The following JAKMIP1 variants were observed in gnomAD, a reference collection of about 807,000 sequenced individuals.
JAKMIP1 encodes the protein janus kinase and microtubule interacting protein 1.
In JAKMIP1, 33 loss-of-function variants were observed where a neutral mutation model predicts 113.0. The observed-to-expected ratio is 0.29, with a 90% CI of 0.22 to 0.39. JAKMIP1 has a LOEUF of 0.39. JAKMIP1 is among the 10% of genes least tolerant of loss of function. The pLI is 1.00. For synonymous variants in JAKMIP1, 480 were observed against 459.9 expected, an observed-to-expected ratio of 1.04 and a Z score of -0.56; for missense variants, 813 against 1,080.5, an observed-to-expected ratio of 0.75 and a Z score of 3.47.
chr4:6,091,388 A>G (rs1431321027), intron 3 of JAKMIP1, among the ~76,000 whole-genome samples: 1 of 152,244 alleles, frequency 6.6e-6, no homozygotes. Context: ...TCTCTTACAT[A>G]TACATTTTTC....
In JAKMIP1 at chr4:6,049,011, T is replaced by C; in HGVS notation, c.1963-89A>G. On this transcript the variant is annotated intron_variant, in intron 15 of 20. Transcript: ENST00000409021. The surrounding 1 kb of genome is among the most constrained non-coding windows in gnomAD (Gnocchi z 7.0). ...GCACCAAGCAAGTTTTTTTTTTTCG[T>C]TGTTGTTGTTTGTTTTATTATGTTT... The C allele has an allele frequency of 1.1e-6, 1 of 899,416 alleles. No homozygotes were observed. Among genetic ancestry groups the C allele is most frequent in the Non-Finnish European group, 1.8e-6 (1 of 553,254 alleles). 55.7% of individuals were successfully genotyped at this position (899,416 alleles called of 1,614,324 possible). A position where few individuals can be genotyped will look rare whatever the true frequency, so the allele number is the denominator to read the frequency against.
Position 6,153,095 on chromosome 4 carries a change from C to A in JAKMIP1, c.-147-40098G>T, listed in dbSNP as rs1410589146. On this transcript the variant is annotated intron_variant, in intron 1 of 20. Coordinates refer to ENST00000409021, the MANE Select transcript of JAKMIP1 (RefSeq NM_001099433.2). The surrounding 1 kb of genome is among the most constrained non-coding windows in gnomAD (Gnocchi z 4.9). ...CCCCACCCATGCACATCCCCCTCCC[C>A]TACCTGCCTGAAGACTACACAGGCA... is the stretch of plus-strand genomic sequence containing the variant. Among the ~76,000 whole-genome samples, 4 of 152,160 alleles carry A rather than the reference C, an allele frequency of 2.6e-5. No individual in the cohort carries two copies. Among genetic ancestry groups the A allele is most frequent in the African/African-American group, 4.8e-5 (2 of 41,428 alleles).
At chr4:6,125,593 G>GCAGAAACACACACACACACACACCATA (rs1717315654) in intron 1 of JAKMIP1, among the ~76,000 whole-genome samples, 5 of 132,678 alleles carry the variant, frequency 3.8e-5, no homozygotes, top group Non-Finnish European at 7.7e-5. Flanking sequence ...TACACACCAT[G>GCAGAAACACACACACACACACACCATA]CAGAAACACA....
intron 18 of JAKMIP1, among the ~76,000 whole-genome samples, chr4:6,037,795 C>T (rs1713724855): frequency 6.8e-6 from 1 of 147,358 alleles, no homozygotes; most frequent in African/African-American, 2.5e-5. Flanking sequence ...AGTAGCCCTC[C>T]ATCACCGAGG....
chr4:6,147,527 A>C (rs1721003593), intron 1 of JAKMIP1, among the ~76,000 whole-genome samples: 1 of 152,146 alleles, frequency 6.6e-6, no homozygotes, highest in Non-Finnish European at 1.5e-5. Context: ...GTGGTCCTCA[A>C]GAGCCTCCCA....
intron 1 of JAKMIP1, among the ~76,000 whole-genome samples, chr4:6,120,482 C>A (rs1716555130): frequency 6.6e-6 from 1 of 152,172 alleles, no homozygotes; most frequent in African/African-American, 2.4e-5. Flanking sequence ...TTATTGATGG[C>A]TGAATGAGCA....
At chr4:6,103,680 G>C (rs1383766232) in intron 3 of JAKMIP1, among the ~76,000 whole-genome samples, 1 of 152,114 alleles carries the variant, frequency 6.6e-6, no homozygotes, top group East Asian at 1.9e-4. Flanking sequence ...ATTTATTTAG[G>C]AGCTTTAGGA....
chr4:6,029,727 G>T lies in JAKMIP1; in HGVS notation c.2434C>A (p.Leu812Met). The T allele has an allele frequency of 6.2e-7, 1 of 1,601,802 alleles. No individual in the cohort carries two copies. The highest frequency in any genetic ancestry group is 1.1e-5 in the South Asian group (1 of 88,224). Residue 812 changes from leucine (L) to methionine (M), a missense_variant, in exon 20 of 21, where the codon CTG (leucine) becomes ATG (methionine). Around this residue, in one of 2 missense-constraint regions of JAKMIP1, gnomAD observed 273 missense variants for 426.6 expected, o/e 0.64. Transcript: ENST00000409021. ...LEFQKRHLKE[L>M]EEKFLFLFLF... is the part of the protein sequence containing the mutation. ...CTGCAGTCACCTACCTTTTCCTCCA[G>T]TTCTTTCAGGTGCCGCTTCTGAAAC...
intron 1 of JAKMIP1, among the ~76,000 whole-genome samples, chr4:6,165,072 G>A (rs1458030745): frequency 1.3e-5 from 2 of 152,210 alleles, no homozygotes; most frequent in African/African-American, 2.4e-5. Context: ...AGTATTGTGT[G>A]CTACAGAGAA....
At chr4:6,198,051 A>G (rs1728034840) in intron 1 of JAKMIP1, among the ~76,000 whole-genome samples, 1 of 152,342 alleles carries the variant, frequency 6.6e-6, no homozygotes, top group Middle Eastern at 3.4e-3. Context: ...CCAGGAAAAC[A>G]GAGCCCCCAC....
intron 1 of JAKMIP1, among the ~76,000 whole-genome samples, chr4:6,126,414 C>T (rs566303836): frequency 6.7e-6 from 1 of 149,488 alleles, no homozygotes; most frequent in Admixed American, 6.7e-5. Flanking sequence ...AAACATACAC[C>T]GTACAGAAAC....
chr4:6,116,819 G>T lies in JAKMIP1; in HGVS notation c.-147-3822C>A, dbSNP rs185654133. ...CATAAAACAATGATGGCTTGTGGTA[G>T]GTGCTGGAAAGAACAAGTCTACAGG... On this transcript the variant is annotated intron_variant, in intron 1 of 20. Transcript: ENST00000409021. This position sits in a 1 kb window ranked among gnomAD's most constrained non-coding sequence, Gnocchi z 5.1. Among the ~76,000 whole-genome samples the T allele has an allele frequency of 6.6e-6, 1 of 152,192 alleles. No individual in the cohort carries two copies. The highest frequency in any genetic ancestry group is 1.5e-5 in the Non-Finnish European group (1 of 68,038).
At chr4:6,152,897 G>A (rs1001247805) in intron 1 of JAKMIP1, among the ~76,000 whole-genome samples, 4 of 151,300 alleles carry the variant, frequency 2.6e-5, no homozygotes, top group African/African-American at 9.7e-5. Flanking sequence ...CTTGAACCCA[G>A]GAGGCGGAGG....
At chr4:6,198,626 G>A (rs1040791409) in intron 1 of JAKMIP1, among the ~76,000 whole-genome samples, 1 of 152,178 alleles carries the variant, frequency 6.6e-6, no homozygotes, top group African/African-American at 2.4e-5. Context: ...ATTACAGACC[G>A]GTACACACCT....
rs1719576950 is a variant in JAKMIP1 at position 6,138,401 on chromosome 4, T to C, written c.-147-25404A>G. Among the ~76,000 whole-genome samples, 1 of 151,942 alleles carries C rather than the reference T, an allele frequency of 6.6e-6. No homozygotes were observed. The highest frequency in any genetic ancestry group is 1.9e-4 in the East Asian group (1 of 5,168). Reference sequence around the variant, plus strand: ...TAGCTGGGATTACACCACACCTGGCTCATTTTTGTATTTTTAGTAGAGATG... The same window carrying C: ...TAGCTGGGATTACACCACACCTGGCCCATTTTTGTATTTTTAGTAGAGATG... On this transcript the variant is annotated intron_variant, in intron 1 of 20. Transcript: ENST00000409021. The surrounding 1 kb of genome is among the most constrained non-coding windows in gnomAD (Gnocchi z 6.0).
intron 3 of JAKMIP1, among the ~76,000 whole-genome samples, chr4:6,096,201 TA>T (rs965894970): frequency 1.3e-4 from 19 of 151,914 alleles, no homozygotes; most frequent in South Asian, 1.2e-3. Flanking sequence ...ACCCTACCTT[TA>T]AAAAAAAATC....
chr4:6,183,363 C>T lies in JAKMIP1; in HGVS notation c.-148+16890G>A, dbSNP rs62282992. ...GCTTGGTGGCGGGTGCCTGTAATAC[C>T]AACTACTTGGGAGGCCGAGGCAGGA... On this transcript the variant is annotated intron_variant, in intron 1 of 20. Transcript: ENST00000409021. This position sits in a 1 kb window ranked among gnomAD's most constrained non-coding sequence, Gnocchi z 5.3. Among the ~76,000 whole-genome samples the T allele has an allele frequency of 0.041, 6,161 of 151,868 alleles. 231 individuals carry two copies. The highest frequency in any genetic ancestry group is 0.12 in the Admixed American group (1,837 of 15,244).
chr4:6,120,319 C>A (rs1716522868), intron 1 of JAKMIP1, among the ~76,000 whole-genome samples: 1 of 152,072 alleles, frequency 6.6e-6, no homozygotes, highest in Non-Finnish European at 1.5e-5. Flanking sequence ...CAGCCATATT[C>A]CTACCCCAGG....
intron 1 of JAKMIP1, among the ~76,000 whole-genome samples, chr4:6,145,209 C>T (rs1720687762): frequency 6.6e-6 from 1 of 152,212 alleles, no homozygotes; most frequent in Non-Finnish European, 1.5e-5. Context: ...CCAGTATGCA[C>T]AGGCACCAGC....
Sources: gnomAD v4.1 joint callset for allele counts (sites outside exome capture counted in the v4.1 genomes callset) on GRCh38, gnomAD v4.1.1 for gene constraint, gnomAD v4.1.1 regional missense constraint, Gnocchi (gnomAD v3.1) non-coding constraint, MANE v1.5 for transcripts, NCBI Gene and HGNC (gene_info 2026-07-23, HGNC 2026-07-21) for gene names.